Variants in KCNH7 observed in about 807,000 individuals in gnomAD.
KCNH7 encodes voltage-gated inwardly rectifying potassium channel KCNH7.
A neutral mutation model predicts 120.8 loss-of-function variants in KCNH7; 49 were observed. The observed-to-expected ratio is 0.41, with a 90% CI of 0.32 to 0.51. The LOEUF (loss-of-function observed/expected upper bound fraction) is 0.51, where lower values mean the gene tolerates loss of function less well. KCNH7 is among the 20% of genes least tolerant of loss of function. The pLI is 0.38. For missense variants in KCNH7, 1,097 were observed against 1,446.6 expected, an observed-to-expected ratio of 0.76 and a Z score of 3.92; for synonymous variants, 547 against 516.1, an observed-to-expected ratio of 1.06 and a Z score of -0.81.
intron 2 of KCNH7, among the ~76,000 whole-genome samples, chr2:162,599,411 CT>C (rs1432477530): frequency 6.6e-6 from 1 of 151,878 alleles, no homozygotes; most frequent in East Asian, 1.9e-4. Flanking sequence ...AACCTTTCCT[CT>C]ATGAAATAAT....
At chr2:162,797,330 A>G (rs1297166131) in intron 2 of KCNH7, 2 of 152,078 alleles carry the variant, frequency 1.3e-5, no homozygotes, top group African/African-American at 4.8e-5. Context: ...GGGAGAACTG[A>G]TCTGTTTATT....
At chr2:162,529,613 G>C (rs964153244) in intron 3 of KCNH7, among the ~76,000 whole-genome samples, 1 of 151,906 alleles carries the variant, frequency 6.6e-6, no homozygotes, top group Admixed American at 6.6e-5. Context: ...TATACTCGAT[G>C]ACAGTAAACT....
intron 2 of KCNH7, among the ~76,000 whole-genome samples, chr2:162,748,545 A>G (rs1173493918): frequency 6.6e-6 from 1 of 152,204 alleles, no homozygotes; most frequent in Middle Eastern, 3.2e-3. Context: ...CTCCTCATGC[A>G]TTACCATTAT....
At chr2:162,628,829 A>G (rs898867871) in intron 2 of KCNH7, among the ~76,000 whole-genome samples, 1 of 152,010 alleles carries the variant, frequency 6.6e-6, no homozygotes, top group South Asian at 2.1e-4. Context: ...TATGTGTGCC[A>G]CTTTATTGCT....
chr2:162,772,831 C>A (rs1683102378), intron 2 of KCNH7, among the ~76,000 whole-genome samples: 1 of 152,164 alleles, frequency 6.6e-6, no homozygotes, highest in South Asian at 2.1e-4. Context: ...ATGATATCAT[C>A]CCTGTGTTTG....
rs1689244685 is a variant in KCNH7, at chr2:162,464,380, C to G, written c.1129-17937G>C. On this transcript the variant is annotated intron_variant, in intron 6 of 15. Transcript: ENST00000332142. Reference sequence around the variant, plus strand: ...TAAAAACTACAAGGACTTTTTATGTCTATCCATGTCTCCTAGGGGGAGGCA... The same window carrying G: ...TAAAAACTACAAGGACTTTTTATGTGTATCCATGTCTCCTAGGGGGAGGCA... Among the ~76,000 whole-genome samples, 3 of 151,898 alleles carry G rather than the reference C, an allele frequency of 2.0e-5. No individual in the cohort carries two copies. In the South Asian group the frequency reaches 6.2e-4, roughly 31 times the overall value.
At chr2:162,714,057 T>G (rs964262919) in intron 2 of KCNH7, among the ~76,000 whole-genome samples, 1 of 152,220 alleles carries the variant, frequency 6.6e-6, no homozygotes, top group Non-Finnish European at 1.5e-5. Flanking sequence ...CAATGTAGTA[T>G]TATTCTAACA....
intron 2 of KCNH7, among the ~76,000 whole-genome samples, chr2:162,673,804 T>C (rs537084243): frequency 6.6e-6 from 1 of 152,084 alleles, no homozygotes; most frequent in Non-Finnish European, 1.5e-5. Flanking sequence ...CTTGTGATAA[T>C]CTTCAATAGA....
chr2:162,689,214 G>A (rs188854503), intron 2 of KCNH7, among the ~76,000 whole-genome samples: 4 of 152,056 alleles, frequency 2.6e-5, no homozygotes, highest in Admixed American at 6.5e-5. Context: ...GCAAAGGCAC[G>A]ATCTCGGCTC....
At chr2:162,375,084 C>T (rs1485788255) in intron 14 of KCNH7, among the ~76,000 whole-genome samples, 1 of 152,156 alleles carries the variant, frequency 6.6e-6, no homozygotes, top group Non-Finnish European at 1.5e-5. Context: ...ATCCCAAAAT[C>T]TTTCCTTATT....
At chr2:162,818,704 A>G (rs1196197072) in intron 2 of KCNH7, among the ~76,000 whole-genome samples, 3 of 152,168 alleles carry the variant, frequency 2.0e-5, no homozygotes, top group Non-Finnish European at 4.4e-5. Flanking sequence ...TTTCTCCTTT[A>G]ACTTCTCTTA....
chr2:162,689,143 CTATTATTATTAT>C (rs148007770), intron 2 of KCNH7, among the ~76,000 whole-genome samples: 9 of 149,696 alleles, frequency 6.0e-5, no homozygotes, highest in African/African-American at 2.2e-4. Context: ...CATTTAGTTA[CTATTATTATTAT>C]TATTATTATT....
chr2:162,703,870 C>A (rs535641114), intron 2 of KCNH7, among the ~76,000 whole-genome samples: 1 of 152,174 alleles, frequency 6.6e-6, no homozygotes, highest in Non-Finnish European at 1.5e-5. Flanking sequence ...ATGATCTCAA[C>A]AAAATGGCAG....
At chr2:162,769,931 T>C (rs1682978314) in intron 2 of KCNH7, among the ~76,000 whole-genome samples, 1 of 152,126 alleles carries the variant, frequency 6.6e-6, no homozygotes, top group South Asian at 2.1e-4. Flanking sequence ...AATCATGTTT[T>C]TAACCCTTTG....
chr2:162,751,794 T>C (rs1314046405), intron 2 of KCNH7, among the ~76,000 whole-genome samples: 1 of 151,858 alleles, frequency 6.6e-6, no homozygotes, highest in Non-Finnish European at 1.5e-5. Context: ...CTAAACATTA[T>C]TCTAAATATA....
At chr2:162,598,469 C>T (rs1416650403) in intron 2 of KCNH7, among the ~76,000 whole-genome samples, 1 of 151,898 alleles carries the variant, frequency 6.6e-6, no homozygotes, top group South Asian at 2.1e-4. Flanking sequence ...AAAAAAAATC[C>T]CTTCTAGGTA....
intron 2 of KCNH7, among the ~76,000 whole-genome samples, chr2:162,651,381 T>A (rs1684559948): frequency 6.6e-6 from 1 of 152,002 alleles, no homozygotes; most frequent in African/African-American, 2.4e-5. Context: ...CACCCCCAAG[T>A]AGGCCTCAGT....
chr2:162,435,651 A>C (rs2105522552), intron 7 of KCNH7, 54 bp from the exon 8 acceptor site: 2 of 1,508,386 alleles, frequency 1.3e-6, no homozygotes, highest in Middle Eastern at 1.8e-4. Flanking sequence ...TTCAAAGTAC[A>C]TTCATATGAA....
chr2:162,806,306 A>G (rs1410142457), intron 2 of KCNH7, among the ~76,000 whole-genome samples: 2 of 152,218 alleles, frequency 1.3e-5, no homozygotes, highest in Non-Finnish European at 1.5e-5. Flanking sequence ...TGGGAATAAC[A>G]GCTTTTCTCT....
Sources: allele counts gnomAD v4.1 joint callset (sites outside exome capture counted in the v4.1 genomes callset), GRCh38; gene constraint gnomAD v4.1.1; transcripts MANE v1.5; gene names NCBI Gene and HGNC (gene_info 2026-07-23, HGNC 2026-07-21).